ULK4: variants seen among roughly 807,000 people sequenced by gnomAD.
ULK4 encodes inactive serine/threonine-protein kinase ULK4.
In ULK4, 133 loss-of-function variants were observed where a neutral mutation model predicts 160.6. That is an observed-to-expected ratio of 0.83 (90% CI 0.72 to 0.96). The LOEUF (loss-of-function observed/expected upper bound fraction) is 0.96, where lower values mean the gene tolerates loss of function less well. Ranked by LOEUF, ULK4 falls within the 40% of genes least tolerant of loss-of-function variation. ULK4 has a pLI of 0.00. For missense variants in ULK4, 1,580 were observed against 1,499.5 expected (o/e 1.05, Z -0.89); for synonymous variants, 534 against 539.8 (o/e 0.99, Z 0.15).
At chr3:41,562,617 C>G (rs1171735954) in intron 32 of ULK4, among the ~76,000 whole-genome samples, 1 of 152,136 alleles carries the variant, frequency 6.6e-6, no homozygotes, top group Non-Finnish European at 1.5e-5. Context: ...TATGTAATGG[C>G]CTTCTCTGTC....
In ULK4 at chr3:41,517,440, C is replaced by T. The variant is rs141572297; in HGVS notation, c.3226+48585G>A. ...AGGAGGGCCCTTCTGTTCCCTTCTG[C>T]CATTGGGAGGACACAGTAAGAGGCA... On this transcript the variant is annotated intron_variant, in intron 32 of 36. Transcript: ENST00000301831. Among the ~76,000 whole-genome samples the T allele has an allele frequency of 3.9e-4, 60 of 152,166 alleles. No individual in the cohort carries two copies. In the Middle Eastern group the frequency reaches 0.014, roughly 35 times the overall value.
intron 18 of ULK4, among the ~76,000 whole-genome samples, chr3:41,833,292 T>TG (rs1447227891): frequency 1.4e-5 from 2 of 145,948 alleles, no homozygotes; most frequent in African/African-American, 5.1e-5. Flanking sequence ...TTTTGTTTTT[T>TG]TTTTTTTTGT....
chr3:41,804,875 G>T (rs1277928828), intron 19 of ULK4, among the ~76,000 whole-genome samples: 1 of 152,134 alleles, frequency 6.6e-6, no homozygotes, highest in African/African-American at 2.4e-5. Flanking sequence ...ATGCTGTTTT[G>T]GTTACTGTAG....
rs201142188 is a variant in ULK4, at chr3:41,505,460, AAT to A, written c.3227-42209_3227-42208del. 3.1e-4 allele frequency among the ~76,000 whole-genome samples: 47 copies of A among 152,294 alleles called. No individual in the cohort carries two copies. The East Asian group carries it at 7.9e-3, about 26-fold the overall frequency. ...CTGTTCTATGAACATCCTAATGTTC[AAT>A]ATGTTTTGAACATTATAAACATCAT... is the stretch of plus-strand genomic sequence containing the variant. On this transcript the variant is annotated intron_variant, in intron 32 of 36. Coordinates refer to ENST00000301831, the MANE Select transcript of ULK4 (RefSeq NM_017886.4).
chr3:41,326,582 C>T (rs2080343913), intron 35 of ULK4, among the ~76,000 whole-genome samples: 1 of 152,054 alleles, frequency 6.6e-6, no homozygotes, highest in African/African-American at 2.4e-5. Context: ...AGCTGACAGT[C>T]AACAGGGTAG....
At chr3:41,687,657 C>A (rs1196994595) in intron 27 of ULK4, among the ~76,000 whole-genome samples, 1 of 152,158 alleles carries the variant, frequency 6.6e-6, no homozygotes, top group Non-Finnish European at 1.5e-5. Context: ...GGCACCTGTA[C>A]AATATTTCTA....
chr3:41,709,739 T>C (rs2037025302), intron 25 of ULK4, among the ~76,000 whole-genome samples: 1 of 152,182 alleles, frequency 6.6e-6, no homozygotes. Context: ...TTATTAAAAT[T>C]ATTTCACATA....
chr3:41,345,738 T>C (rs2080785032), intron 35 of ULK4, among the ~76,000 whole-genome samples: 1 of 152,114 alleles, frequency 6.6e-6, no homozygotes, highest in Non-Finnish European at 1.5e-5. Flanking sequence ...CACATTTACC[T>C]ATGTAAAAAA....
intron 30 of ULK4, among the ~76,000 whole-genome samples, chr3:41,662,103 T>G (rs57747181): frequency 0.043 from 6,612 of 152,210 alleles, 461 homozygotes; most frequent in African/African-American, 0.15. Flanking sequence ...CTATCTGAAT[T>G]TTTATGCAAC....
rs548328135 is a variant in ULK4, at chr3:41,670,373, G to C, written c.2979-6674C>G. Among the ~76,000 whole-genome samples the C allele has an allele frequency of 1.2e-4, 18 of 152,190 alleles. No homozygotes were observed. The South Asian group carries it at 2.7e-3, about 23-fold the overall frequency. On this transcript the variant is annotated intron_variant, in intron 29 of 36. Transcript: ENST00000301831. ...CTCCAAAACTTTATAAAATGAAATT[G>C]GGTATAAATTAAACAATGGTTAACT...
intron 5 of ULK4, among the ~76,000 whole-genome samples, chr3:41,926,783 A>C (rs1290030124): frequency 2.0e-5 from 3 of 152,166 alleles, no homozygotes; most frequent in African/African-American, 7.2e-5. Flanking sequence ...AATAAAGCGA[A>C]AAGACAAGGT....
At chr3:41,798,788 G>A (rs116181850) in intron 20 of ULK4, among the ~76,000 whole-genome samples, 1,722 of 152,174 alleles carry the variant, frequency 0.011, 15 homozygotes, top group Non-Finnish European at 0.017. Context: ...CCTAAATGCT[G>A]ACTAGCAGGA....
intron 22 of ULK4, among the ~76,000 whole-genome samples, chr3:41,730,665 CACT>C (rs1232916859): frequency 6.6e-6 from 1 of 152,132 alleles, no homozygotes; most frequent in Non-Finnish European, 1.5e-5. Flanking sequence ...CTGATGGCTT[CACT>C]GCTGAATACT....
chr3:41,758,132 C>T (rs2038867829), intron 21 of ULK4, among the ~76,000 whole-genome samples: 1 of 152,212 alleles, frequency 6.6e-6, no homozygotes, highest in South Asian at 2.1e-4. Context: ...CATGTAAGGA[C>T]ACAAAGACGA....
intron 32 of ULK4, among the ~76,000 whole-genome samples, chr3:41,509,637 C>G (rs2085503595): frequency 1.3e-5 from 2 of 152,158 alleles, no homozygotes; most frequent in South Asian, 4.1e-4. Context: ...TCAGTAGAAA[C>G]TCTACAAGCC....
chr3:41,853,814 G>A (rs1285734085), intron 17 of ULK4, among the ~76,000 whole-genome samples: 2 of 152,096 alleles, frequency 1.3e-5, no homozygotes, highest in African/African-American at 2.4e-5. Context: ...CCCATCTTCT[G>A]CTTCACCTAG....
chr3:41,500,367 A>G (rs2085156150), intron 32 of ULK4, among the ~76,000 whole-genome samples: 1 of 151,556 alleles, frequency 6.6e-6, no homozygotes, highest in South Asian at 2.1e-4. Flanking sequence ...CAATGTCAGG[A>G]TCCCACTATA....
intron 22 of ULK4, among the ~76,000 whole-genome samples, chr3:41,740,941 A>G (rs1257895458): frequency 6.6e-6 from 1 of 152,018 alleles, no homozygotes; most frequent in African/African-American, 2.4e-5. Context: ...TGGGCTGCAA[A>G]GCACAAAGGA....
chr3:41,590,720 C>A lies in ULK4; in HGVS notation c.3121-24590G>T, dbSNP rs185025182. 6.7e-5 allele frequency among the ~76,000 whole-genome samples: 10 copies of A among 149,314 alleles called. No individual in the cohort carries two copies. The South Asian group carries it at 1.9e-3, about 29-fold the overall frequency. On this transcript the variant is annotated intron_variant, in intron 31 of 36. Transcript: ENST00000301831. ...TTACCAACAAATTAGACACAACAGACAAAAAGGCCAGTGAACTTGAAGACC... is the reference window on the plus strand; with the variant it reads ...TTACCAACAAATTAGACACAACAGAAAAAAAGGCCAGTGAACTTGAAGACC...
Sources: allele counts gnomAD v4.1 joint callset (sites outside exome capture counted in the v4.1 genomes callset), GRCh38; gene constraint gnomAD v4.1.1; transcripts MANE v1.5; gene names NCBI Gene and HGNC (gene_info 2026-07-23, HGNC 2026-07-21).